RPL14: variants seen among roughly 807,000 people sequenced by gnomAD.
The protein encoded by RPL14 is large ribosomal subunit protein eL14.
A neutral mutation model predicts 25.3 loss-of-function variants in RPL14; 4 were observed. The observed-to-expected ratio is 0.16, with a 90% CI of 0.08 to 0.36. RPL14 has a LOEUF of 0.36. RPL14 is among the 10% of genes least tolerant of loss of function. RPL14 has a pLI of 1.00. For missense variants in RPL14, 212 were observed against 261.9 expected, an observed-to-expected ratio of 0.81 and a Z score of 1.31; for synonymous variants, 75 against 89.8, an observed-to-expected ratio of 0.84 and a Z score of 0.93.
rs377378506 is a variant in RPL14, at chr3:40,458,650, C to T, written c.114C>T (p.Val38=). 6 of 1,613,854 alleles carry T rather than the reference C, an allele frequency of 3.7e-6. No homozygotes were observed. The Admixed American group carries it at 5.0e-5, about 13-fold the overall frequency. Reference sequence around the variant, plus strand: ...TGATGTTTGTGTTCTAGGCTTTGGTCGATGGACCTTGCACTCAAGTGAGGA... The same window carrying T: ...TGATGTTTGTGTTCTAGGCTTTGGTTGATGGACCTTGCACTCAAGTGAGGA... ...VDVIDQNRAL[V]DGPCTQVRRQ... The change falls in exon 3 of 6, where the codon GTC becomes GTT. Residue 38 remains valine (V), a synonymous_variant. Coordinates refer to ENST00000396203, the MANE Select transcript of RPL14 (RefSeq NM_001034996.3).
In RPL14 at chr3:40,458,011, A is replaced by G; in HGVS notation, c.105+20A>G. 2 of 1,602,578 alleles carry G rather than the reference A, an allele frequency of 1.2e-6. No individual in the cohort carries two copies. Among genetic ancestry groups the G allele is most frequent in the Non-Finnish European group, 1.7e-6 (2 of 1,169,540 alleles). ...AACAGGGTAAGTGTCACAACTTTTT[A>G]CTAAACATGGCAGTGGACATGTGCC... On this transcript the variant is annotated intron_variant, in intron 2 of 5. Coordinates refer to ENST00000396203, the MANE Select transcript of RPL14 (RefSeq NM_001034996.3).
chr3:40,457,846 G>A lies in RPL14; in HGVS notation c.4-44G>A, dbSNP rs757448908. 5.3e-6 allele frequency: 8 copies of A among 1,518,354 alleles called. No individual in the cohort carries two copies. In the East Asian group the frequency reaches 1.6e-4, roughly 30 times the overall value. 94.1% of individuals were successfully genotyped at this position (1,518,354 alleles called of 1,614,324 possible). ...CTGCAGAAGGTGACATATGTAGCGA[G>A]TATTTCTAAGTAAGTTTCACTGTCC... On this transcript the variant is annotated intron_variant, in intron 1 of 5. Transcript: ENST00000396203.
rs377428247 is a variant in RPL14, at chr3:40,466,515, C to CAAAAAAAAAAA, written c.*4292_*4302dup. 2 of 123,652 alleles carry CAAAAAAAAAAA rather than the reference C, an allele frequency of 1.6e-5. No homozygotes were observed. Among genetic ancestry groups the CAAAAAAAAAAA allele is most frequent in the Admixed American group, 9.0e-5 (1 of 11,096 alleles). The allele number at this position is 123,652 out of a possible 1,614,324, so 7.7% of individuals were successfully genotyped here. ...GTGAAACCCTGTCTCTACTAAAAAT[C>CAAAAAAAAAAA]AAAAAAAAAAAAAAAAAAATGGCTG... On this transcript the variant is annotated 3_prime_UTR_variant, in exon 6 of 6. Transcript: ENST00000396203.
rs59264697 is a variant in RPL14 at position 40,459,124 on chromosome 3, C to T, written c.200+388C>T. ...GATCGTTTTAGCGAGGTCGAGGCTG[C>T]AGAGAGCCGTGATCATGCCACTGCA... On this transcript the variant is annotated intron_variant, in intron 3 of 5. Coordinates refer to ENST00000396203, the MANE Select transcript of RPL14 (RefSeq NM_001034996.3). 904 of 204,932 alleles carry T rather than the reference C, an allele frequency of 4.4e-3. 9 individuals carry two copies. The highest frequency in any genetic ancestry group is 0.02 in the African/African-American group (861 of 42,730). 12.7% of individuals were successfully genotyped at this position (204,932 alleles called of 1,614,324 possible).
Position 40,459,858 on chromosome 3 carries a change from C to CAAAAAAAA in RPL14, c.200+1137_200+1144dup, listed in dbSNP as rs10682822. 7.0e-3 allele frequency among the ~76,000 whole-genome samples: 640 copies of CAAAAAAAA among 90,934 alleles called. 39 individuals carry two copies. The highest frequency in any genetic ancestry group is 0.028 in the African/African-American group (585 of 21,238). The allele number at this position is 90,934 out of a possible 152,430, so 59.7% of individuals were successfully genotyped here. A position where few individuals can be genotyped will look rare whatever the true frequency, so the allele number is the denominator to read the frequency against. On this transcript the variant is annotated intron_variant, in intron 3 of 5. Coordinates refer to ENST00000396203, the MANE Select transcript of RPL14 (RefSeq NM_001034996.3). ...TGGGTGACAGAGCGAGACTCCGTTT[C>CAAAAAAAA]AAAAAAAAAAAAAAAAAAAAAACTT...
intron 1 of RPL14, 49 bp from the exon 2 acceptor site, chr3:40,457,841 A>G (rs1430855621): frequency 6.0e-6 from 9 of 1,490,694 alleles, no homozygotes; most frequent in African/African-American, 1.4e-5. Flanking sequence ...TGACATATGT[A>G]GCGAGTATTT....
Position 40,457,370 on chromosome 3 carries a change from C to T in RPL14, c.-102C>T, listed in dbSNP as rs115707366. ...GCCTAACGCCGCCAACATGGTGAGT[C>T]TTACTGTTGCGGGCTCCGGGGCCGT... is the stretch of plus-strand genomic sequence containing the variant. On this transcript the variant is annotated 5_prime_UTR_variant, in exon 1 of 6. Coordinates refer to ENST00000396203, the MANE Select transcript of RPL14 (RefSeq NM_001034996.3). 1.7e-4 allele frequency: 277 copies of T among 1,607,542 alleles called. 2 individuals are homozygous for T. In the East Asian group the frequency reaches 4.7e-3, roughly 27 times the overall value.
chr3:40,461,080 C>T (rs1478654957), intron 3 of RPL14, among the ~76,000 whole-genome samples: 1 of 151,932 alleles, frequency 6.6e-6, no homozygotes, highest in Non-Finnish European at 1.5e-5. Context: ...CCTGTAGTCC[C>T]AGCTACTTGG....
At chr3:40,458,818 G>C in intron 3 of RPL14, 82 bp downstream of exon 3, 1 of 1,033,502 alleles carries the variant, frequency 9.7e-7, no homozygotes, top group Non-Finnish European at 1.5e-6. Flanking sequence ...TAAACAATAC[G>C]GAAGATTCAG....
rs141817449 is a variant in RPL14, at chr3:40,462,090, C to T, written c.506C>T (p.Ala169Val). 9.3e-6 allele frequency: 15 copies of T among 1,607,870 alleles called. 1 individual carries two copies. Among genetic ancestry groups the T allele is most frequent in the African/African-American group, 5.4e-5 (4 of 74,534 alleles). ...GTTCCAGCAAAAAAGATCACCGCCGCGAGTAAAAAGGCTCCAGCCCAGAAG... is the reference window on the plus strand; with the variant it reads ...GTTCCAGCAAAAAAGATCACCGCCGTGAGTAAAAAGGCTCCAGCCCAGAAG... ...AKVPAKKITA[A>V]SKKAPAQKVP... is the part of the protein sequence containing the mutation. The change falls in exon 6 of 6, where the codon GCG becomes GTG. Residue 169 changes from alanine (A) to valine (V), a missense_variant. By Grantham distance (64) the Ala-to-Val change is moderately conservative (BLOSUM62 0). Around this residue, in one of 3 missense-constraint regions of RPL14, gnomAD observed 66 missense variants for 62.6 expected, o/e 1.05. Coordinates refer to ENST00000396203, the MANE Select transcript of RPL14 (RefSeq NM_001034996.3).
chr3:40,464,546 C>T lies in RPL14; in HGVS notation c.*2314C>T, dbSNP rs1385217386. On this transcript the variant is annotated 3_prime_UTR_variant, in exon 6 of 6. Coordinates refer to ENST00000396203, the MANE Select transcript of RPL14 (RefSeq NM_001034996.3). Reference sequence around the variant, plus strand: ...GTAGAGGACTGGCTCGGGACCACATCAAGGAAGTAGGTTAGTGGTTAGATC... The same window carrying T: ...GTAGAGGACTGGCTCGGGACCACATTAAGGAAGTAGGTTAGTGGTTAGATC... The T allele has an allele frequency of 8.8e-6, 4 of 455,620 alleles. No individual in the cohort carries two copies. Among genetic ancestry groups the T allele is most frequent in the Admixed American group, 4.7e-5 (2 of 42,498 alleles). 28.2% of individuals were successfully genotyped at this position (455,620 alleles called of 1,614,324 possible). A position where few individuals can be genotyped will look rare whatever the true frequency, so the allele number is the denominator to read the frequency against.
chr3:40,458,149 G>A (rs937210811), intron 2 of RPL14, 158 bp downstream of exon 2: 1 of 642,990 alleles, frequency 1.6e-6, no homozygotes, highest in Middle Eastern at 2.5e-4. Context: ...TTTAAGCACA[G>A]CCTGAAGTTA....
Position 40,462,354 on chromosome 3 carries a change from A to AACATTAAAT in RPL14, c.*124_*132dup. On this transcript the variant is annotated 3_prime_UTR_variant, in exon 6 of 6. Transcript: ENST00000396203. ...GCAGATTGATAGTAGGATTATAATA[A>AACATTAAAT]ACATTAAATAATCAGTTCCTTTTTT... 1.2e-6 allele frequency: 1 copy of AACATTAAAT among 837,132 alleles called. No homozygotes were observed. The highest frequency in any genetic ancestry group is 2.3e-5 in the South Asian group (1 of 43,298). 51.9% of individuals were successfully genotyped at this position (837,132 alleles called of 1,614,324 possible).
Position 40,466,190 on chromosome 3 carries a change from C to CA in RPL14, c.*3966dup, listed in dbSNP as rs564591237. ...TGGGCGACAGAGGGAGACTCTGTCT[C>CA]AAAAAAAAGACTTGAGCAAGGGCGT... On this transcript the variant is annotated 3_prime_UTR_variant, in exon 6 of 6. Transcript: ENST00000396203. 105 of 150,466 alleles carry CA rather than the reference C, an allele frequency of 7.0e-4. 1 individual carries two copies. The highest frequency in any genetic ancestry group is 1.3e-3 in the Non-Finnish European group (89 of 67,694). The allele number at this position is 150,466 out of a possible 1,614,324, so 9.3% of individuals were successfully genotyped here.
rs142887692 is a variant in RPL14, at chr3:40,465,156, GACA to G, written c.*2929_*2931del. 0.013 allele frequency: 1,995 copies of G among 152,270 alleles called. 7 individuals carry two copies. Among genetic ancestry groups the G allele is most frequent in the Non-Finnish European group, 0.02 (1,384 of 68,068 alleles). The allele number at this position is 152,270 out of a possible 1,614,324, so 9.4% of individuals were successfully genotyped here. ...GTCACTGATTCCCCAGGGGTAGGAT[GACA>G]ACAATCAAGAGACGAATAGAGGTTG... On this transcript the variant is annotated 3_prime_UTR_variant, in exon 6 of 6. Transcript: ENST00000396203.
At chr3:40,458,819 G>C (rs1696883913) in intron 3 of RPL14, 83 bp downstream of exon 3, 4 of 1,014,506 alleles carry the variant, frequency 3.9e-6, no homozygotes, top group Admixed American at 1.9e-5. Flanking sequence ...AAACAATACG[G>C]AAGATTCAGA....
chr3:40,462,372 C>CTTTTT lies in RPL14; in HGVS notation c.*140_*141insTTTTT. On this transcript the variant is annotated 3_prime_UTR_variant, in exon 6 of 6. Transcript: ENST00000396203. ...TATAATAAACATTAAATAATCAGTT[C>CTTTTT]CTTTTTTTTTTTTTTTTTTTTTGAG... The CTTTTT allele has an allele frequency of 3.8e-6, 2 of 519,750 alleles. No individual in the cohort carries two copies. The highest frequency in any genetic ancestry group is 5.7e-6 in the Non-Finnish European group (2 of 353,076). 32.2% of individuals were successfully genotyped at this position (519,750 alleles called of 1,614,324 possible). A position where few individuals can be genotyped will look rare whatever the true frequency, so the allele number is the denominator to read the frequency against.
chr3:40,462,966 C>G lies in RPL14; in HGVS notation c.*734C>G, dbSNP rs1696970776. On this transcript the variant is annotated 3_prime_UTR_variant, in exon 6 of 6. Coordinates refer to ENST00000396203, the MANE Select transcript of RPL14 (RefSeq NM_001034996.3). The stretch of plus-strand genomic sequence containing the variant: ...TGGAGACAGAGTCTTGCTGTGTTGC[C>G]CAGGCTGGAGTGCAGTGGTGCGATC... The G allele has an allele frequency of 6.6e-6, 1 of 151,864 alleles. No homozygotes were observed. Among genetic ancestry groups the G allele is most frequent in the Non-Finnish European group, 1.5e-5 (1 of 68,018 alleles). 9.4% of individuals were successfully genotyped at this position (151,864 alleles called of 1,614,324 possible).
At chr3:40,460,231 G>A (rs192821408) in intron 3 of RPL14, among the ~76,000 whole-genome samples, 541 of 151,982 alleles carry the variant, frequency 3.6e-3, no homozygotes, top group Non-Finnish European at 5.9e-3. Flanking sequence ...TGTTTGTTAC[G>A]AGAATGAATG....
Sources: gnomAD v4.1 joint callset for allele counts (sites outside exome capture counted in the v4.1 genomes callset) on GRCh38, gnomAD v4.1.1 for gene constraint, gnomAD v4.1.1 regional missense constraint, MANE v1.5 for transcripts, NCBI Gene and HGNC (gene_info 2026-07-23, HGNC 2026-07-21) for gene names.